The following COP1 variants were observed in gnomAD, a reference collection of about 807,000 sequenced individuals.
COP1 encodes the protein E3 ubiquitin-protein ligase COP1.
COP1 carries 24 observed loss-of-function variants against 101.3 expected under a neutral mutation model. The ratio of observed to expected loss-of-function variants is 0.24; its 90% CI spans 0.17 to 0.33. The LOEUF (loss-of-function observed/expected upper bound fraction) is 0.33, where lower values mean the gene tolerates loss of function less well. Among genes scored for constraint, COP1 ranks in the 10% least tolerant of loss-of-function variants. The probability of loss-of-function intolerance (pLI) is 1.00; values close to 1 mark genes in which losing one functional copy is unlikely to be tolerated. For synonymous variants in COP1, 347 were observed against 341.9 expected, an observed-to-expected ratio of 1.01 and a Z score of -0.17; for missense variants, 663 against 906.2, an observed-to-expected ratio of 0.73 and a Z score of 3.45.
chr1:176,033,766 T>C (rs1227215805), intron 14 of COP1, among the ~76,000 whole-genome samples: 1 of 152,180 alleles, frequency 6.6e-6, no homozygotes, highest in Non-Finnish European at 1.5e-5. Context: ...AAAATATTCA[T>C]ATGAACTCAG....
In COP1 at chr1:176,174,007, A is replaced by AAAAG. The variant is rs1456552067; in HGVS notation, c.565+1902_565+1903insCTTT. Among the ~76,000 whole-genome samples, 125 of 121,988 alleles carry AAAAG rather than the reference A, an allele frequency of 1.0e-3. 1 individual carries two copies. The highest frequency in any genetic ancestry group is 3.1e-3 in the African/African-American group (119 of 38,002). 80.0% of individuals were successfully genotyped at this position (121,988 alleles called of 152,430 possible). On this transcript the variant is annotated intron_variant, in intron 3 of 19. Coordinates refer to ENST00000367669, the MANE Select transcript of COP1 (RefSeq NM_022457.7). ...GTCTCAAAAAAAAAAAAAAAAAAAA[A>AAAAG]AGAGAATATATATAATGTAGGGGAT...
intron 10 of COP1, among the ~76,000 whole-genome samples, chr1:176,083,591 T>G (rs1679584950): frequency 6.6e-6 from 1 of 152,220 alleles, no homozygotes; most frequent in South Asian, 2.1e-4. Context: ...GTATTCAATG[T>G]CTCTTTTCTT....
rs570235252 is a variant in COP1, at chr1:176,140,987, G to A, written c.832-4440C>T. Among the ~76,000 whole-genome samples the A allele has an allele frequency of 1.1e-4, 17 of 152,272 alleles. No homozygotes were observed. The East Asian group carries it at 1.2e-3, about 10-fold the overall frequency. On this transcript the variant is annotated intron_variant, in intron 6 of 19. Transcript: ENST00000367669. ...GTAAGTAAGTCTCAGAATCCCTTACGAAGATAATAGATAGACTCTCCCATT... is the reference window on the plus strand; with the variant it reads ...GTAAGTAAGTCTCAGAATCCCTTACAAAGATAATAGATAGACTCTCCCATT...
At chr1:175,967,256 C>T (rs1652199506) in intron 18 of COP1, among the ~76,000 whole-genome samples, 1 of 152,180 alleles carries the variant, frequency 6.6e-6, no homozygotes, top group Admixed American at 6.5e-5. Flanking sequence ...AGGTGATCCA[C>T]CCGCCTCAGC....
At chr1:176,000,354 C>T (rs746694013) in intron 15 of COP1, among the ~76,000 whole-genome samples, 6 of 151,924 alleles carry the variant, frequency 3.9e-5, no homozygotes, top group Non-Finnish European at 5.9e-5. Flanking sequence ...ATTGAAAAGA[C>T]TGTCTTTTCT....
chr1:176,114,745 A>C (rs901531752), intron 9 of COP1, among the ~76,000 whole-genome samples: 3 of 151,868 alleles, frequency 2.0e-5, no homozygotes, highest in Admixed American at 6.6e-5. Flanking sequence ...ATGCCACCAT[A>C]CCCAACTAAT....
chr1:176,039,120 T>A (rs1670080251), intron 14 of COP1, among the ~76,000 whole-genome samples: 2 of 152,218 alleles, frequency 1.3e-5, no homozygotes, highest in South Asian at 4.1e-4. Flanking sequence ...CTGGAGATCA[T>A]ACATTGTATC....
chr1:175,992,162 A>G (rs1008241765), intron 15 of COP1, among the ~76,000 whole-genome samples: 1 of 152,186 alleles, frequency 6.6e-6, no homozygotes, highest in Non-Finnish European at 1.5e-5. Flanking sequence ...AATGCATAAT[A>G]ATCACATCAT....
Position 176,135,018 on chromosome 1 carries a change from T to C in COP1, c.960A>G (p.Pro320=). ...STVPQFEAPS[P]SHSSIIDSTE... The stretch of plus-strand genomic sequence containing the variant: ...AAGTGTGAAGCTTGTACCTGTGTGA[T>C]GGAGAAGGAGCTTCAAATTGAGGCA... Residue 320 remains proline (P), a synonymous_variant, in exon 8 of 20, where the codon CCA becomes CCG. Coordinates refer to ENST00000367669, the MANE Select transcript of COP1 (RefSeq NM_022457.7). 2 of 1,608,854 alleles carry C rather than the reference T, an allele frequency of 1.2e-6. No homozygotes were observed. Among genetic ancestry groups the C allele is most frequent in the Non-Finnish European group, 1.7e-6 (2 of 1,175,676 alleles).
At chr1:176,056,922 G>A (rs1190470365) in intron 11 of COP1, among the ~76,000 whole-genome samples, 1 of 152,086 alleles carries the variant, frequency 6.6e-6, no homozygotes, top group African/African-American at 2.4e-5. Context: ...TTTCTACTCT[G>A]AGCAAAGGAT....
chr1:176,115,565 G>A (rs1463866408), intron 9 of COP1, among the ~76,000 whole-genome samples: 1 of 152,004 alleles, frequency 6.6e-6, no homozygotes. Flanking sequence ...TGGCTAACAT[G>A]GTGAAACCCC....
At chr1:175,952,441 A>T (rs953162653) in intron 18 of COP1, among the ~76,000 whole-genome samples, 12 of 147,426 alleles carry the variant, frequency 8.1e-5, no homozygotes, top group Non-Finnish European at 1.8e-4. Flanking sequence ...AAAAAAAAAG[A>T]TGATAAACAA....
chr1:176,162,456 G>A (rs922275251), intron 5 of COP1, among the ~76,000 whole-genome samples: 6 of 152,076 alleles, frequency 3.9e-5, no homozygotes, highest in African/African-American at 1.4e-4. Flanking sequence ...GACTACTACT[G>A]CTACCAATGG....
In COP1 at chr1:176,174,977, C is replaced by T. The variant is rs563443087; in HGVS notation, c.565+933G>A. Among the ~76,000 whole-genome samples the T allele has an allele frequency of 3.3e-4, 50 of 152,192 alleles. 2 individuals are homozygous for T. The South Asian group carries it at 9.8e-3, about 30-fold the overall frequency. Reference sequence around the variant, plus strand: ...GTTGGTTCTGACTAGTTATTATTTCCGATCATTTATCATTTATACTTAAGG... The same window carrying T: ...GTTGGTTCTGACTAGTTATTATTTCTGATCATTTATCATTTATACTTAAGG... On this transcript the variant is annotated intron_variant, in intron 3 of 19. Transcript: ENST00000367669.
intron 18 of COP1, among the ~76,000 whole-genome samples, chr1:175,964,567 A>G (rs1199251639): frequency 1.3e-5 from 2 of 152,252 alleles, no homozygotes; most frequent in Non-Finnish European, 2.9e-5. Flanking sequence ...TGAGATGGCT[A>G]GCAAAGTTAT....
intron 18 of COP1, among the ~76,000 whole-genome samples, chr1:175,969,741 T>C (rs527291601): frequency 1.3e-5 from 2 of 152,220 alleles, no homozygotes; most frequent in African/African-American, 4.8e-5. Context: ...AAAAATCTTT[T>C]CTCCCTTACA....
At chr1:175,999,950 G>T (rs1195858786) in intron 15 of COP1, among the ~76,000 whole-genome samples, 1 of 151,964 alleles carries the variant, frequency 6.6e-6, no homozygotes, top group Non-Finnish European at 1.5e-5. Context: ...TTTTAAAATG[G>T]ATTATTAGAT....
intron 9 of COP1, among the ~76,000 whole-genome samples, chr1:176,108,531 A>G (rs1054461939): frequency 8.5e-5 from 13 of 152,274 alleles, no homozygotes; most frequent in Admixed American, 3.9e-4. Flanking sequence ...CTGGACGACT[A>G]TCAACTCAAC....
chr1:175,965,124 A>G (rs531959301), intron 18 of COP1, among the ~76,000 whole-genome samples: 2 of 152,034 alleles, frequency 1.3e-5, no homozygotes, highest in South Asian at 4.2e-4. Context: ...GTGGGCTGTT[A>G]CTATTTGTAC....
Sources: gnomAD v4.1 joint callset for allele counts (sites outside exome capture counted in the v4.1 genomes callset) on GRCh38, gnomAD v4.1.1 for gene constraint, MANE v1.5 for transcripts, NCBI Gene and HGNC (gene_info 2026-07-23, HGNC 2026-07-21) for gene names.